Variants in PRDM5 observed in about 807,000 individuals in gnomAD.
PRDM5 encodes PR/SET domain 5.
PRDM5 carries 56 observed loss-of-function variants against 81.2 expected under a neutral mutation model. The ratio of observed to expected loss-of-function variants is 0.69; its 90% CI spans 0.56 to 0.86. The LOEUF (loss-of-function observed/expected upper bound fraction) is 0.86, where lower values mean the gene tolerates loss of function less well. PRDM5 is among the 40% of genes least tolerant of loss of function. The pLI, the probability that PRDM5 is intolerant of heterozygous loss-of-function variation, is 0.00. For synonymous variants in PRDM5, 267 were observed against 256.4 expected (o/e 1.04, Z -0.39); for missense variants, 697 against 770.1 (o/e 0.91, Z 1.12).
chr4:120,763,772 C>T (rs771909545), intron 13 of PRDM5, among the ~76,000 whole-genome samples: 5 of 151,818 alleles, frequency 3.3e-5, no homozygotes, highest in Non-Finnish European at 7.4e-5. Context: ...GTTGGTGAAC[C>T]GTGGTCATGG....
intron 2 of PRDM5, among the ~76,000 whole-genome samples, chr4:120,878,973 T>A (rs1561580394): frequency 6.6e-6 from 1 of 152,154 alleles, no homozygotes; most frequent in Non-Finnish European, 1.5e-5. Context: ...TGGAAGACAC[T>A]TTGACAGTTT....
intron 8 of PRDM5, among the ~76,000 whole-genome samples, chr4:120,808,172 G>A (rs899757805): frequency 6.6e-6 from 1 of 152,140 alleles, no homozygotes; most frequent in African/African-American, 2.4e-5. Flanking sequence ...GGCTGGGGCA[G>A]CCTGCTTTTA....
chr4:120,843,695 A>AT (rs942603558), intron 3 of PRDM5, among the ~76,000 whole-genome samples: 14 of 151,696 alleles, frequency 9.2e-5, no homozygotes, highest in Admixed American at 7.9e-4. Context: ...TAAAAAAAAA[A>AT]AAAAAAGAAG....
chr4:120,845,900 C>A (rs1271347580), intron 3 of PRDM5, among the ~76,000 whole-genome samples: 1 of 152,166 alleles, frequency 6.6e-6, no homozygotes, highest in Non-Finnish European at 1.5e-5. Flanking sequence ...GAAGTCAATT[C>A]CAACCCTCAT....
intron 2 of PRDM5, among the ~76,000 whole-genome samples, chr4:120,875,306 T>C (rs543694336): frequency 2.0e-5 from 3 of 152,342 alleles, no homozygotes; most frequent in South Asian, 2.1e-4. Context: ...CCAATTCCAA[T>C]TGATCAGTGG....
At chr4:120,873,923 T>G (rs1241460574) in intron 2 of PRDM5, among the ~76,000 whole-genome samples, 1 of 152,188 alleles carries the variant, frequency 6.6e-6, no homozygotes, top group Admixed American at 6.5e-5. Flanking sequence ...TCATGCATTT[T>G]GGGCTATTAT....
At chr4:120,883,225 T>C (rs1763040978) in intron 2 of PRDM5, among the ~76,000 whole-genome samples, 1 of 152,196 alleles carries the variant, frequency 6.6e-6, no homozygotes, top group African/African-American at 2.4e-5. Context: ...AGTATTATAG[T>C]GTTAGAAGGT....
chr4:120,749,454 G>A (rs1743643983), intron 14 of PRDM5, among the ~76,000 whole-genome samples: 1 of 152,152 alleles, frequency 6.6e-6, no homozygotes, highest in African/African-American at 2.4e-5. Context: ...CCCCCAGGTG[G>A]CACAGACAAG....
intron 14 of PRDM5, among the ~76,000 whole-genome samples, chr4:120,713,912 C>T (rs919915731): frequency 6.6e-6 from 1 of 152,100 alleles, no homozygotes; most frequent in Non-Finnish European, 1.5e-5. Context: ...ATTCCCTGTC[C>T]TCACATGGTG....
intron 3 of PRDM5, among the ~76,000 whole-genome samples, chr4:120,826,770 T>G (rs1414509758): frequency 6.6e-6 from 1 of 152,128 alleles, no homozygotes; most frequent in Non-Finnish European, 1.5e-5. Flanking sequence ...AAGTAATCAT[T>G]CTGAGCATGC....
chr4:120,904,200 A>AAAC (rs1234535465), intron 2 of PRDM5, among the ~76,000 whole-genome samples: 5 of 146,038 alleles, frequency 3.4e-5, no homozygotes, highest in African/African-American at 1.3e-4. Flanking sequence ...AAAAAAAAAA[A>AAAC]AAAAACAAAA....
chr4:120,853,349 G>C, intron 3 of PRDM5, 69 bp downstream of exon 3: 2 of 1,604,128 alleles, frequency 1.2e-6, no homozygotes, highest in Non-Finnish European at 1.7e-6. Context: ...TTAAAACAGG[G>C]AGTACAGTCA....
chr4:120,725,841 G>A (rs751436421), intron 14 of PRDM5, among the ~76,000 whole-genome samples: 1 of 151,958 alleles, frequency 6.6e-6, no homozygotes, highest in Non-Finnish European at 1.5e-5. Context: ...AGCTGTCACA[G>A]GGCAACGTAC....
At chr4:120,768,094 A>G (rs913652891) in intron 13 of PRDM5, among the ~76,000 whole-genome samples, 2 of 152,194 alleles carry the variant, frequency 1.3e-5, no homozygotes, top group Non-Finnish European at 2.9e-5. Flanking sequence ...GAAAAGATCA[A>G]TCAATAAATA....
chr4:120,772,973 A>G (rs1747519942), intron 13 of PRDM5, among the ~76,000 whole-genome samples: 1 of 152,222 alleles, frequency 6.6e-6, no homozygotes, highest in Admixed American at 6.5e-5. Flanking sequence ...GGTACATATA[A>G]ATGGCAGTTT....
chr4:120,831,153 T>C (rs1304969428), intron 3 of PRDM5, among the ~76,000 whole-genome samples: 1 of 152,102 alleles, frequency 6.6e-6, no homozygotes, highest in African/African-American at 2.4e-5. Context: ...CAGATAGTGC[T>C]GTGGAGGAGA....
chr4:120,686,592 T>C (rs1733842134), intron 1 of PRDM5, among the ~76,000 whole-genome samples: 1 of 152,022 alleles, frequency 6.6e-6, no homozygotes, highest in Admixed American at 6.6e-5. Flanking sequence ...AAAGGTGTAA[T>C]TTTCAAAGAA....
chr4:120,742,799 C>A (rs1222858212), intron 14 of PRDM5, among the ~76,000 whole-genome samples: 1 of 151,924 alleles, frequency 6.6e-6, no homozygotes, highest in Non-Finnish European at 1.5e-5. Context: ...AAATCTACGT[C>A]TGATTGGTGT....
At chr4:120,867,240 T>G (rs1377768343) in intron 2 of PRDM5, among the ~76,000 whole-genome samples, 1 of 152,000 alleles carries the variant, frequency 6.6e-6, no homozygotes, top group African/African-American at 2.4e-5. Flanking sequence ...CCTGGACTTC[T>G]CACCCACACA....
Sources: gnomAD v4.1 joint callset for allele counts (sites outside exome capture counted in the v4.1 genomes callset) on GRCh38, gnomAD v4.1.1 for gene constraint, MANE v1.5 for transcripts, NCBI Gene and HGNC (gene_info 2026-07-23, HGNC 2026-07-21) for gene names.